Variants in GLRA2 observed in about 807,000 individuals in gnomAD.
The protein encoded by GLRA2 is glycine receptor alpha 2.
GLRA2 carries 11 observed loss-of-function variants against 31.6 expected under a neutral mutation model. The ratio of observed to expected loss-of-function variants is 0.35; its 90% CI spans 0.22 to 0.58. The LOEUF (loss-of-function observed/expected upper bound fraction) is 0.58. Ranked by LOEUF, GLRA2 falls within the 20% of genes least tolerant of loss-of-function variation. The probability of loss-of-function intolerance (pLI) is 0.84; values close to 1 mark genes in which losing one functional copy is unlikely to be tolerated. For missense variants in GLRA2, 212 were observed against 351.8 expected, an observed-to-expected ratio of 0.60 and a Z score of 3.18; for synonymous variants, 132 against 134.0, an observed-to-expected ratio of 0.99 and a Z score of 0.10.
At chrX:14,575,890 G>A in intron 3 of GLRA2, among the ~76,000 whole-genome samples, 1 of 110,955 alleles carries the variant, frequency 9.0e-6, no homozygotes, top group East Asian at 2.8e-4. Flanking sequence ...ATATTTTCTT[G>A]GTCCCCATAT....
intron 7 of GLRA2, among the ~76,000 whole-genome samples, chrX:14,688,630 G>A (rs753497311): frequency 8.1e-5 from 9 of 111,673 alleles, no homozygotes; most frequent in Middle Eastern, 4.6e-3. Context: ...CTGGTGTGCC[G>A]CTTGCTAAGA....
At position 14,563,734 on chromosome X, in the gene GLRA2, T is replaced by C. The variant is rs747891697; in HGVS notation, c.203-10599T>C. Among the ~76,000 whole-genome samples the C allele has an allele frequency of 1.0e-3, 116 of 111,708 alleles. 1 individual carries two copies. The highest frequency in any genetic ancestry group is 4.6e-3 in the Middle Eastern group (1 of 218). Reference sequence around the variant, plus strand: ...ACAAAGAATGAAAGGAAATCAGGAATATTATGTAGGAATAAAATGAGAATA... The same window carrying C: ...ACAAAGAATGAAAGGAAATCAGGAACATTATGTAGGAATAAAATGAGAATA... On this transcript the variant is annotated intron_variant, in intron 2 of 8. Transcript: ENST00000218075.
At chrX:14,685,224 T>A (rs1221036949) in intron 7 of GLRA2, among the ~76,000 whole-genome samples, 1 of 111,437 alleles carries the variant, frequency 9.0e-6, no homozygotes, top group Non-Finnish European at 1.9e-5. Context: ...TTGCCAGTAT[T>A]TTATTGAGGA....
chrX:14,554,752 T>C (rs2147032059), intron 2 of GLRA2, among the ~76,000 whole-genome samples: 1 of 111,606 alleles, frequency 9.0e-6, no homozygotes, highest in East Asian at 2.8e-4. Context: ...AACAGACACA[T>C]CTATAGATAA....
chrX:14,486,046 G>A, the GLRA2 span, among the ~76,000 whole-genome samples: 2 of 111,531 alleles, frequency 1.8e-5, no homozygotes, highest in Non-Finnish European at 3.8e-5. Flanking sequence ...TAAGACACTG[G>A]TATTGTCTCA....
chrX:14,710,613 G>A (rs766024434), intron 8 of GLRA2, among the ~76,000 whole-genome samples: 116 of 111,773 alleles, frequency 1.0e-3, no homozygotes, highest in Middle Eastern at 4.6e-3. Context: ...TATTATGTAC[G>A]TCAAAGATAA....
chrX:14,481,089 A>C, the GLRA2 span, among the ~76,000 whole-genome samples: 1 of 111,114 alleles, frequency 9.0e-6, no homozygotes, highest in African/African-American at 3.3e-5. Flanking sequence ...ATGTTTCACC[A>C]CCTTGGTTAG....
chrX:14,455,189 G>T, the GLRA2 span, among the ~76,000 whole-genome samples: 1 of 111,700 alleles, frequency 9.0e-6, no homozygotes, highest in Non-Finnish European at 1.9e-5. Context: ...GTAAAATGAA[G>T]GATATTGCTA....
chrX:14,639,238 C>T (rs1028979953), intron 7 of GLRA2, among the ~76,000 whole-genome samples: 1 of 111,429 alleles, frequency 9.0e-6, no homozygotes, highest in African/African-American at 3.3e-5. Flanking sequence ...ACTTCCTTCC[C>T]AGGAGACTCA....
At chrX:14,713,011 G>A (rs985537962) in intron 8 of GLRA2, among the ~76,000 whole-genome samples, 9 of 112,116 alleles carry the variant, frequency 8.0e-5, no homozygotes, top group Admixed American at 7.5e-4. Context: ...TTAGGCAGAT[G>A]CCTAAGGAGT....
rs1451826281 is a variant in GLRA2, at chrX:14,609,086, T to C, written c.811T>C (p.Leu271=). The change falls in exon 7 of 9, where the codon TTG becomes CTG. Residue 271 remains leucine (L), a synonymous_variant. Transcript: ENST00000218075. The part of the protein sequence containing the change: ...MYIPSLLIVI[L]SWVSFWINMD... ...CATCCCAAGCCTGCTTATAGTAATT[T>C]TGTCCTGGGTTTCCTTTTGGATAAA... The C allele has an allele frequency of 8.5e-7, 1 of 1,176,434 alleles. No homozygotes were observed. The highest frequency in any genetic ancestry group is 2.2e-5 in the Admixed American group (1 of 45,814).
chrX:14,658,065 C>A (rs1601806994), intron 7 of GLRA2, among the ~76,000 whole-genome samples: 1 of 111,716 alleles, frequency 9.0e-6, no homozygotes, highest in South Asian at 3.8e-4. Context: ...AGGCCTCAAA[C>A]CCCAGCATTT....
chrX:14,724,626 C>CAAAAAAAAAAAAAAAAAAAAAAA (rs758722703), intron 8 of GLRA2, among the ~76,000 whole-genome samples: 1 of 49,617 alleles, frequency 2.0e-5, no homozygotes, highest in Admixed American at 3.2e-4. Flanking sequence ...AACTCTGTCT[C>CAAAAAAAAAAAAAAAAAAAAAAA]AAAAAAAAAA....
At chrX:14,683,960 G>T (rs895377895) in intron 7 of GLRA2, among the ~76,000 whole-genome samples, 4 of 110,390 alleles carry the variant, frequency 3.6e-5, no homozygotes, top group Non-Finnish European at 7.6e-5. Context: ...TTTTATTATG[G>T]GCCTATAATG....
intron 3 of GLRA2, among the ~76,000 whole-genome samples, chrX:14,574,832 A>G (rs1249905732): frequency 8.9e-6 from 1 of 111,913 alleles, no homozygotes; most frequent in Non-Finnish European, 1.9e-5. Context: ...AATAAACATG[A>G]TGCATAGTTA....
At chrX:14,649,415 T>C (rs2090866667) in intron 7 of GLRA2, among the ~76,000 whole-genome samples, 1 of 110,938 alleles carries the variant, frequency 9.0e-6, no homozygotes, top group Non-Finnish European at 1.9e-5. Context: ...AGTGTATCTA[T>C]ACTATGAACT....
At chrX:14,573,732 C>T (rs1056402784) in intron 2 of GLRA2, among the ~76,000 whole-genome samples, 1 of 109,212 alleles carries the variant, frequency 9.2e-6, no homozygotes, top group Admixed American at 1.0e-4. Flanking sequence ...ACAATATGGA[C>T]GTAAATTGAC....
chrX:14,488,580 T>G, the GLRA2 span, among the ~76,000 whole-genome samples: 1 of 112,613 alleles, frequency 8.9e-6, no homozygotes, highest in African/African-American at 3.2e-5. Flanking sequence ...CAATGTCGCA[T>G]TTTAAAGCCA....
chrX:14,726,704 G>A (rs1874699114), intron 8 of GLRA2, among the ~76,000 whole-genome samples: 1 of 112,472 alleles, frequency 8.9e-6, no homozygotes. Context: ...AATTGAATGA[G>A]TTAATCTTTT....
Sources: gnomAD v4.1 joint callset for allele counts (sites outside exome capture counted in the v4.1 genomes callset) on GRCh38, gnomAD v4.1.1 for gene constraint, MANE v1.5 for transcripts, NCBI Gene and HGNC (gene_info 2026-07-23, HGNC 2026-07-21) for gene names.